HMGCLL1: variants seen among roughly 807,000 people sequenced by gnomAD.
HMGCLL1 encodes the protein 3-hydroxy-3-methylglutaryl-CoA lyase like 1, also known as 3-hydroxymethyl-3-methylglutaryl-CoA lyase, cytoplasmic.
A neutral mutation model predicts 39.1 loss-of-function variants in HMGCLL1; 36 were observed. That is an observed-to-expected ratio of 0.92 (90% CI 0.71 to 1.22). The LOEUF is 1.22. Among genes scored for constraint, HMGCLL1 ranks in the 50% most tolerant of loss-of-function variants. HMGCLL1 has a pLI of 0.00. For synonymous variants in HMGCLL1, 149 were observed against 144.0 expected, an observed-to-expected ratio of 1.03 and a Z score of -0.25; for missense variants, 451 against 416.5, an observed-to-expected ratio of 1.08 and a Z score of -0.72.
At chr6:55,519,002 G>A (rs4236133) in intron 3 of HMGCLL1, among the ~76,000 whole-genome samples, 12,856 of 152,158 alleles carry the variant, frequency 0.084, 637 homozygotes, top group East Asian at 0.16. Flanking sequence ...GGACGGTTGC[G>A]TAAGTGGTAA....
chr6:55,556,723 T>G (rs1437667302), intron 1 of HMGCLL1, among the ~76,000 whole-genome samples: 1 of 151,744 alleles, frequency 6.6e-6, no homozygotes, highest in East Asian at 1.9e-4. Flanking sequence ...AAATTAGGAG[T>G]TCATAGAAAT....
chr6:55,521,858 T>A (rs1768057687), intron 3 of HMGCLL1, among the ~76,000 whole-genome samples: 1 of 152,028 alleles, frequency 6.6e-6, no homozygotes, highest in African/African-American at 2.4e-5. Flanking sequence ...TGATTAAGTT[T>A]AGTGAGAAAG....
chr6:55,661,113 T>C, the HMGCLL1 span, among the ~76,000 whole-genome samples: 2 of 152,050 alleles, frequency 1.3e-5, no homozygotes, highest in Non-Finnish European at 2.9e-5. Context: ...TGCTGGATAG[T>C]AAACCTTAGT....
intron 1 of HMGCLL1, among the ~76,000 whole-genome samples, chr6:55,577,698 A>G (rs1771826791): frequency 6.6e-6 from 1 of 152,240 alleles, no homozygotes. Context: ...TCTCAGACTT[A>G]GGAAATATAA....
chr6:55,652,525 C>T, the HMGCLL1 span, among the ~76,000 whole-genome samples: 1 of 152,006 alleles, frequency 6.6e-6, no homozygotes. Context: ...GAATGTTCTC[C>T]ATGAGATAGA....
chr6:55,574,224 A>T (rs374488259), intron 1 of HMGCLL1, among the ~76,000 whole-genome samples: 13 of 152,172 alleles, frequency 8.5e-5, no homozygotes, highest in South Asian at 4.1e-4. Flanking sequence ...AAATATTGAA[A>T]CAAATACTTC....
At chr6:55,526,458 C>T (rs940987840) in intron 3 of HMGCLL1, among the ~76,000 whole-genome samples, 4 of 151,984 alleles carry the variant, frequency 2.6e-5, no homozygotes, top group Admixed American at 6.6e-5. Context: ...TTGATTCATG[C>T]ATCACTTTCC....
chr6:55,451,538 A>G (rs1764081588), intron 7 of HMGCLL1, among the ~76,000 whole-genome samples: 2 of 151,594 alleles, frequency 1.3e-5, no homozygotes, highest in Non-Finnish European at 2.9e-5. Flanking sequence ...CAACAGAGTG[A>G]GATTCCATCT....
intron 1 of HMGCLL1, among the ~76,000 whole-genome samples, chr6:55,567,214 G>A (rs952349148): frequency 6.6e-6 from 1 of 151,828 alleles, no homozygotes; most frequent in Non-Finnish European, 1.5e-5. Flanking sequence ...GAGAGGTGAA[G>A]GATACAAAAG....
the HMGCLL1 span, among the ~76,000 whole-genome samples, chr6:55,650,349 G>A: frequency 2.0e-5 from 3 of 151,618 alleles, no homozygotes; most frequent in African/African-American, 4.8e-5. Flanking sequence ...GGTGTTCGAA[G>A]GGACTTGGTC....
intron 7 of HMGCLL1, among the ~76,000 whole-genome samples, chr6:55,443,296 A>G (rs1367711205): frequency 6.6e-6 from 1 of 152,188 alleles, no homozygotes; most frequent in Non-Finnish European, 1.5e-5. Flanking sequence ...CCAAAAAAGT[A>G]TAAAGTAGCA....
intron 3 of HMGCLL1, among the ~76,000 whole-genome samples, chr6:55,525,434 C>T (rs542269321): frequency 2.6e-5 from 4 of 152,002 alleles, no homozygotes; most frequent in Admixed American, 1.3e-4. Flanking sequence ...AGCATGCTTT[C>T]GTATATGAAA....
At chr6:55,604,972 AT>A in the HMGCLL1 span, among the ~76,000 whole-genome samples, 1 of 152,234 alleles carries the variant, frequency 6.6e-6, no homozygotes, top group African/African-American at 2.4e-5. Flanking sequence ...AGTTTACATT[AT>A]TTTATTTGTT....
the HMGCLL1 span, among the ~76,000 whole-genome samples, chr6:55,642,967 GA>G: frequency 6.6e-6 from 1 of 152,156 alleles, no homozygotes; most frequent in African/African-American, 2.4e-5. Flanking sequence ...CAAAGAACAT[GA>G]TCTTATTCTT....
At chr6:55,523,466 C>G (rs768705878) in intron 3 of HMGCLL1, among the ~76,000 whole-genome samples, 44 of 151,856 alleles carry the variant, frequency 2.9e-4, no homozygotes, top group Non-Finnish European at 4.4e-4. Context: ...TACAGCGGTT[C>G]TCCTGCAATG....
intron 7 of HMGCLL1, among the ~76,000 whole-genome samples, chr6:55,468,642 C>G (rs752642142): frequency 6.6e-6 from 1 of 151,876 alleles, no homozygotes; most frequent in African/African-American, 2.4e-5. Flanking sequence ...ATCACAACAG[C>G]TCACAAGTAC....
rs1769473323 is a variant in HMGCLL1, at chr6:55,542,105, A to T, written c.144T>A (p.Val48=). Residue 48 remains valine (V), a synonymous_variant, in exon 2 of 9, where the codon GTT becomes GTA. Coordinates refer to ENST00000274901, the MANE Select transcript of HMGCLL1 (RefSeq NM_001042406.2). ...TSQLSGLPEF[V]KIVEVGPRDG... ...CCCTAGGCCCAACTTCTACTATTTT[A>T]ACAAACTCAGGGAGTCCAGATAACT... 1 of 1,611,316 alleles carries T rather than the reference A, an allele frequency of 6.2e-7. No individual in the cohort carries two copies. Among genetic ancestry groups the T allele is most frequent in the Non-Finnish European group, 8.5e-7 (1 of 1,178,118 alleles).
chr6:55,477,719 A>C (rs183729100), intron 7 of HMGCLL1, among the ~76,000 whole-genome samples: 1 of 149,638 alleles, frequency 6.7e-6, no homozygotes, highest in African/African-American at 2.5e-5. Context: ...AGTGACTTCT[A>C]ATAAATTTTC....
At chr6:55,538,723 T>A (rs1769169355) in intron 3 of HMGCLL1, among the ~76,000 whole-genome samples, 1 of 152,132 alleles carries the variant, frequency 6.6e-6, no homozygotes, top group African/African-American at 2.4e-5. Flanking sequence ...CTACTTACTA[T>A]GTACTGAGAA....
Sources: gnomAD v4.1 joint callset for allele counts (sites outside exome capture counted in the v4.1 genomes callset) on GRCh38, gnomAD v4.1.1 for gene constraint, MANE v1.5 for transcripts, NCBI Gene and HGNC (gene_info 2026-07-23, HGNC 2026-07-21) for gene names.